NPAS3: variants seen among roughly 807,000 people sequenced by gnomAD.
NPAS3 encodes the protein neuronal PAS domain protein 3, also known as neuronal PAS domain-containing protein 3.
Under a neutral mutation model 73.1 loss-of-function variants are expected in NPAS3, and 14 were observed. That is an observed-to-expected ratio of 0.19 (90% CI 0.13 to 0.30). The LOEUF (loss-of-function observed/expected upper bound fraction) is 0.30, where lower values mean the gene tolerates loss of function less well. Ranked by LOEUF, NPAS3 falls within the 10% of genes least tolerant of loss-of-function variation. The pLI, the probability that NPAS3 is intolerant of heterozygous loss-of-function variation, is 1.00. For missense variants in NPAS3, 1,096 were observed against 1,250.0 expected, an observed-to-expected ratio of 0.88 and a Z score of 1.86; for synonymous variants, 620 against 541.5, an observed-to-expected ratio of 1.14 and a Z score of -2.01.
chr14:33,085,220 G>A (rs974338976), intron 2 of NPAS3, among the ~76,000 whole-genome samples: 3 of 152,148 alleles, frequency 2.0e-5, no homozygotes, highest in African/African-American at 7.2e-5. Flanking sequence ...ATTTAAAAGA[G>A]AAACAAATCC....
intron 4 of NPAS3, among the ~76,000 whole-genome samples, chr14:33,390,633 C>T (rs756471554): frequency 6.6e-6 from 1 of 152,122 alleles, no homozygotes; most frequent in Non-Finnish European, 1.5e-5. Flanking sequence ...AGTATATGGA[C>T]GATGGATGTT....
At chr14:33,421,760 C>T (rs1250565194) in intron 4 of NPAS3, among the ~76,000 whole-genome samples, 1 of 151,840 alleles carries the variant, frequency 6.6e-6, no homozygotes, top group Admixed American at 6.6e-5. Flanking sequence ...GTCAATGATA[C>T]TGTTAATGAA....
chr14:33,023,338 A>T (rs750786468), intron 1 of NPAS3, among the ~76,000 whole-genome samples: 1 of 152,204 alleles, frequency 6.6e-6, no homozygotes, highest in African/African-American at 2.4e-5. Context: ...CTTGGATTCA[A>T]TGCTGACCCA....
chr14:33,353,184 A>C (rs543905831), intron 3 of NPAS3, among the ~76,000 whole-genome samples: 1 of 152,164 alleles, frequency 6.6e-6, no homozygotes, highest in African/African-American at 2.4e-5. Context: ...ATTGGGAAAC[A>C]AGGTCTTTTT....
chr14:33,764,615 A>C (rs564244755), intron 7 of NPAS3, among the ~76,000 whole-genome samples: 1 of 152,268 alleles, frequency 6.6e-6, no homozygotes, highest in South Asian at 2.1e-4. Context: ...ACGTTGTTGG[A>C]AAATACAATT....
chr14:33,019,553 A>G (rs1167103757), intron 1 of NPAS3, among the ~76,000 whole-genome samples: 1 of 152,148 alleles, frequency 6.6e-6, no homozygotes, highest in Admixed American at 6.5e-5. Context: ...TAAGGTTTAG[A>G]TAAAGGAAGC....
chr14:33,357,220 G>C (rs1196693527), intron 3 of NPAS3, among the ~76,000 whole-genome samples: 1 of 152,168 alleles, frequency 6.6e-6, no homozygotes, highest in Non-Finnish European at 1.5e-5. Flanking sequence ...AGTTTGCAGT[G>C]GTGGTGGCTA....
intron 9 of NPAS3, among the ~76,000 whole-genome samples, chr14:33,785,914 T>C (rs1329331451): frequency 6.6e-6 from 1 of 152,190 alleles, no homozygotes; most frequent in Non-Finnish European, 1.5e-5. Context: ...CATAGGGCAA[T>C]GTCCAAAGTG....
intron 2 of NPAS3, among the ~76,000 whole-genome samples, chr14:33,181,825 G>T (rs2045809100): frequency 6.6e-6 from 1 of 152,098 alleles, no homozygotes; most frequent in Non-Finnish European, 1.5e-5. Flanking sequence ...AGTTTTTACT[G>T]CATGTAAATA....
intron 1 of NPAS3, among the ~76,000 whole-genome samples, chr14:33,038,514 C>T (rs1399890568): frequency 6.9e-6 from 1 of 144,764 alleles, no homozygotes; most frequent in South Asian, 2.2e-4. Context: ...TATACATCTA[C>T]ATCTATATAT....
At position 32,939,375 on chromosome 14, in the gene NPAS3, T is replaced by C; in HGVS notation, c.50+9T>C. The stretch of plus-strand genomic sequence containing the variant: ...CCTTCCAGGCGAGAACGGTAACACT[T>C]TTCTGTTTATTGAACCTGCCGCCGG... On this transcript the variant is annotated intron_variant, in intron 1 of 11. Transcript: ENST00000356141. The C allele has an allele frequency of 1.5e-6, 1 of 678,598 alleles. No homozygotes were observed. The highest frequency in any genetic ancestry group is 2.6e-6 in the Non-Finnish European group (1 of 387,214). 42.0% of individuals were successfully genotyped at this position (678,598 alleles called of 1,614,324 possible).
intron 1 of NPAS3, among the ~76,000 whole-genome samples, chr14:32,939,742 C>T (rs2035897909): frequency 6.6e-6 from 1 of 150,734 alleles, no homozygotes; most frequent in African/African-American, 2.4e-5. Context: ...CGGGGATCCC[C>T]GGGGCCGCCG....
intron 7 of NPAS3, among the ~76,000 whole-genome samples, chr14:33,757,434 C>G (rs1004012918): frequency 6.6e-6 from 1 of 152,096 alleles, no homozygotes; most frequent in African/African-American, 2.4e-5. Flanking sequence ...GTTATACAGG[C>G]AAATGAGGAA....
chr14:33,234,210 T>A (rs1282826793), intron 3 of NPAS3, among the ~76,000 whole-genome samples: 5 of 152,162 alleles, frequency 3.3e-5, no homozygotes, highest in African/African-American at 1.2e-4. Flanking sequence ...AGACTTTCCA[T>A]AAACAAGATA....
chr14:33,778,556 G>A lies in NPAS3; in HGVS notation c.1137G>A (p.Arg379=), dbSNP rs148235325. 1.1e-3 allele frequency: 1,698 copies of A among 1,612,724 alleles called. 3 individuals are homozygous for A. The highest frequency in any genetic ancestry group is 1.3e-3 in the South Asian group (120 of 91,064). The change falls in exon 9 of 12, where the codon AGG becomes AGA. Residue 379 remains arginine (R), a synonymous_variant. Transcript: ENST00000356141. ...ATGCTGAAGACGTGGAGGGCATCAG[G>A]CACAGTCACTTGGACTGTAAGTACC...
chr14:33,613,043 G>A (rs530853778), intron 5 of NPAS3, among the ~76,000 whole-genome samples: 5 of 152,218 alleles, frequency 3.3e-5, no homozygotes, highest in Non-Finnish European at 7.3e-5. Flanking sequence ...AGATCAGGTA[G>A]TAATGTAAGG....
intron 5 of NPAS3, among the ~76,000 whole-genome samples, chr14:33,643,363 A>AGAAAT (rs550984728): frequency 1.2e-3 from 174 of 140,076 alleles, no homozygotes; most frequent in African/African-American, 4.5e-3. Flanking sequence ...GGAAAAAGAA[A>AGAAAT]GAAATAAAAA....
rs1038884947 is a variant in NPAS3, at chr14:33,472,594, C to T, written c.469-87527C>T. On this transcript the variant is annotated intron_variant, in intron 4 of 11. Coordinates refer to ENST00000356141, the Ensembl canonical transcript of NPAS3. ...GTATTACAATCTTCTAGGCTAGAGA[C>T]AGTAGTTACTTGAATCAGCTGATAG... Among the ~76,000 whole-genome samples the T allele has an allele frequency of 1.7e-4, 24 of 143,504 alleles. 3 individuals carry two copies. The highest frequency in any genetic ancestry group is 7.2e-4 in the African/African-American group (24 of 33,304). The allele number at this position is 143,504 out of a possible 152,430, so 94.1% of individuals were successfully genotyped here.
At position 33,004,817 on chromosome 14, in the gene NPAS3, C is replaced by CTTTTTTTTTTTTTTTTTTTTTT; in HGVS notation, c.51-51069_51-51068insTTTTTTTTTTTTTTTTTTTTTT. On this transcript the variant is annotated intron_variant, in intron 1 of 11. Coordinates refer to ENST00000356141, the Ensembl canonical transcript of NPAS3. Reference sequence around the variant, plus strand: ...CTTTTTTCTATTGTAAAAAGTTTTCCTTTTTTTTTTTTTTTTTTTAGTTTT... The same window carrying CTTTTTTTTTTTTTTTTTTTTTT: ...CTTTTTTCTATTGTAAAAAGTTTTCCTTTTTTTTTTTTTTTTTTTTTTTTTTTTTTTTTTTTTTTTTAGTTTT... Among the ~76,000 whole-genome samples, 271 of 63,906 alleles carry CTTTTTTTTTTTTTTTTTTTTTT rather than the reference C, an allele frequency of 4.2e-3. 39 individuals are homozygous for CTTTTTTTTTTTTTTTTTTTTTT. The highest frequency in any genetic ancestry group is 0.011 in the Middle Eastern group (1 of 88). The allele number at this position is 63,906 out of a possible 152,430, so 41.9% of individuals were successfully genotyped here.
Sources: allele counts gnomAD v4.1 joint callset (sites outside exome capture counted in the v4.1 genomes callset), GRCh38; gene constraint gnomAD v4.1.1; transcripts MANE v1.5; gene names NCBI Gene and HGNC (gene_info 2026-07-23, HGNC 2026-07-21).